Variants in ADA observed in about 807,000 individuals in gnomAD.
ADA encodes adenosine aminohydrolase.
A neutral mutation model predicts 49.0 loss-of-function variants in ADA; 45 were observed. The observed-to-expected ratio is 0.92, with a 90% CI of 0.72 to 1.18. ADA has a LOEUF of 1.18. Among genes scored for constraint, ADA ranks in the 50% most tolerant of loss-of-function variants. The pLI is 0.00. For missense variants in ADA, 445 were observed against 472.5 expected (o/e 0.94, Z 0.54); for synonymous variants, 173 against 184.2 (o/e 0.94, Z 0.49).
chr20:44,622,413 C>G (rs903390216), intron 9 of ADA, among the ~76,000 whole-genome samples, 175 bp downstream of exon 9: 4 of 152,256 alleles, frequency 2.6e-5, no homozygotes, highest in Non-Finnish European at 5.9e-5. Flanking sequence ...CACAGCACAT[C>G]TGGGCCTCGG....
intron 2 of ADA, among the ~76,000 whole-genome samples, chr20:44,635,080 G>A (rs138059401): frequency 1.3e-5 from 2 of 152,342 alleles, no homozygotes; most frequent in East Asian, 1.9e-4. Context: ...GCAGACAGGA[G>A]ATAATATGTC....
At chr20:44,645,357 CAA>C (rs11480982) in intron 1 of ADA, among the ~76,000 whole-genome samples, 27 of 58,440 alleles carry the variant, frequency 4.6e-4, no homozygotes, top group Admixed American at 7.4e-4. Flanking sequence ...GACTCCAGCT[CAA>C]AAAAAAAAAA....
At chr20:44,636,917 T>G (rs1238115970) in intron 1 of ADA, among the ~76,000 whole-genome samples, 1 of 152,168 alleles carries the variant, frequency 6.6e-6, no homozygotes, top group Non-Finnish European at 1.5e-5. Context: ...GCAATTCTTG[T>G]GCCTCAGCCT....
intron 3 of ADA, among the ~76,000 whole-genome samples, chr20:44,627,647 G>A (rs1302017690): frequency 2.0e-5 from 3 of 152,242 alleles, no homozygotes; most frequent in African/African-American, 7.2e-5. Flanking sequence ...TCTGTCTTGG[G>A]ATGGCTGCGA....
In ADA at chr20:44,647,873, C is replaced by T. The variant is rs535091020; in HGVS notation, c.33+3702G>A. Among the ~76,000 whole-genome samples the T allele has an allele frequency of 3.3e-5, 5 of 151,804 alleles. No individual in the cohort carries two copies. In the South Asian group the frequency reaches 8.3e-4, roughly 25 times the overall value. On this transcript the variant is annotated intron_variant, in intron 1 of 11. Coordinates refer to ENST00000372874, the MANE Select transcript of ADA (RefSeq NM_000022.4). ...TGGAGGTTGTAGTGAGCCAGGATCACACCACTGCACTCCAGCCTGGGCAAC... is the reference window on the plus strand; with the variant it reads ...TGGAGGTTGTAGTGAGCCAGGATCATACCACTGCACTCCAGCCTGGGCAAC...
At chr20:44,633,767 G>T (rs758089404) in intron 2 of ADA, among the ~76,000 whole-genome samples, 2 of 152,204 alleles carry the variant, frequency 1.3e-5, no homozygotes, top group Non-Finnish European at 2.9e-5. Flanking sequence ...AGGTTGGAGA[G>T]GCCCCTGAAA....
chr20:44,648,460 A>T (rs1233907283), intron 1 of ADA, among the ~76,000 whole-genome samples: 1 of 152,092 alleles, frequency 6.6e-6, no homozygotes, highest in Non-Finnish European at 1.5e-5. Context: ...CTGACCATAC[A>T]GGGGTATAGG....
intron 4 of ADA, among the ~76,000 whole-genome samples, chr20:44,626,065 G>A (rs1033169503): frequency 2.0e-4 from 30 of 152,212 alleles, no homozygotes; most frequent in African/African-American, 6.0e-4. Flanking sequence ...CCCAGGCAGG[G>A]GGCTAGAAAT....
chr20:44,622,690 A>G (rs1366662774), intron 8 of ADA, 38 bp from the exon 9 acceptor site: 2 of 1,613,702 alleles, frequency 1.2e-6, no homozygotes, highest in Non-Finnish European at 1.7e-6. Flanking sequence ...GGATGGCCCC[A>G]GGCCATGCTG....
At chr20:44,632,498 C>G (rs1316526692) in intron 2 of ADA, among the ~76,000 whole-genome samples, 1 of 152,166 alleles carries the variant, frequency 6.6e-6, no homozygotes, top group Non-Finnish European at 1.5e-5. Flanking sequence ...CGACAGGAGA[C>G]AAAGAGCACA....
intron 2 of ADA, among the ~76,000 whole-genome samples, chr20:44,632,190 TG>T (rs1477486449): frequency 6.6e-6 from 1 of 152,012 alleles, no homozygotes; most frequent in Non-Finnish European, 1.5e-5. Context: ...GGGGCAGTTC[TG>T]GGCAGGGGAG....
At chr20:44,620,933 C>G in intron 10 of ADA, 85 bp downstream of exon 10, 3 of 1,590,522 alleles carry the variant, frequency 1.9e-6, no homozygotes, top group Non-Finnish European at 2.6e-6. Flanking sequence ...CTCCCTCTCT[C>G]CAAAGATTCC....
At position 44,621,069 on chromosome 20, in the gene ADA, G is replaced by T; in HGVS notation, c.924C>A (p.Tyr308Ter). 1 of 1,614,168 alleles carries T rather than the reference G, an allele frequency of 6.2e-7. No homozygotes were observed. The highest frequency in any genetic ancestry group is 1.1e-5 in the South Asian group (1 of 91,084). Residue 308 changes from tyrosine (Y) to a stop codon, truncating the protein, a stop_gained, in exon 10 of 12, where the codon TAC (tyrosine) becomes TAA (stop). Transcript: ENST00000372874. LOFTEE classifies it high-confidence loss of function. ...LIFKSTLDTD[Y>*]QMTKRDMGFT... ...AGCCCATGTCCCGTTTGGTCATCTG[G>T]TAATCAGTGTCCAGGGTGGACTTGA... is the stretch of plus-strand genomic sequence containing the variant.
chr20:44,632,336 G>T (rs2065440974), intron 2 of ADA, among the ~76,000 whole-genome samples: 1 of 152,124 alleles, frequency 6.6e-6, no homozygotes, highest in South Asian at 2.1e-4. Flanking sequence ...AGGGACTGGG[G>T]CTTTGGCTGA....
chr20:44,643,168 G>A (rs2065554137), intron 1 of ADA, among the ~76,000 whole-genome samples: 1 of 152,200 alleles, frequency 6.6e-6, no homozygotes, highest in Non-Finnish European at 1.5e-5. Flanking sequence ...CAGGGAAAAG[G>A]GTCAGCAGTG....
At chr20:44,620,660 A>C in intron 10 of ADA, 1 of 584,496 alleles carries the variant, frequency 1.7e-6, no homozygotes. Context: ...GTAGGGGGCC[A>C]GAGACACCTC....
chr20:44,623,005 A>G lies in ADA; in HGVS notation c.678+2T>C. 4 of 1,614,064 alleles carry G rather than the reference A, an allele frequency of 2.5e-6. No homozygotes were observed. Among genetic ancestry groups the G allele is most frequent in the Non-Finnish European group, 3.4e-6 (4 of 1,179,998 alleles). On this transcript the variant is annotated splice_donor_variant, in intron 7 of 11. Transcript: ENST00000372874. LOFTEE classifies it high-confidence loss of function. ...GACCCCATGGCCAGCCCAGGCCCTC[A>G]CCTCTTTTACTACTTCGGCCGAGCC...
chr20:44,631,665 C>G (rs2065434520), intron 2 of ADA, among the ~76,000 whole-genome samples: 1 of 152,222 alleles, frequency 6.6e-6, no homozygotes, highest in South Asian at 2.1e-4. Context: ...TGCGGGGGCT[C>G]TGCCCTCTGG....
At position 44,620,410 on chromosome 20, in the gene ADA, G is replaced by T. The variant is rs778826748; in HGVS notation, c.976-9C>A. 1 of 1,609,822 alleles carries T rather than the reference G, an allele frequency of 6.2e-7. No homozygotes were observed. The highest frequency in any genetic ancestry group is 1.1e-5 in the South Asian group (1 of 91,000). On this transcript the variant is annotated splice_polypyrimidine_tract_variant and intron_variant, in intron 10 of 11. Coordinates refer to ENST00000372874, the MANE Select transcript of ADA (RefSeq NM_000022.4). ...TTGGCCGCATTGATGTTCTGGAAAG[G>T]CCAGAATGGCAGACAACATGGAACC... is the stretch of plus-strand genomic sequence containing the variant.
Sources: gnomAD v4.1 joint callset for allele counts (sites outside exome capture counted in the v4.1 genomes callset) on GRCh38, gnomAD v4.1.1 for gene constraint, MANE v1.5 for transcripts, NCBI Gene and HGNC (gene_info 2026-07-23, HGNC 2026-07-21) for gene names.